FHIP1A: variants seen among roughly 807,000 people sequenced by gnomAD.
The protein encoded by FHIP1A is FHF complex subunit HOOK-interacting protein 1A.
A neutral mutation model predicts 88.6 loss-of-function variants in FHIP1A; 61 were observed. That is an observed-to-expected ratio of 0.69 (90% CI 0.56 to 0.85). FHIP1A has a LOEUF of 0.85. FHIP1A is among the 40% of genes least tolerant of loss of function. The pLI is 0.00. For synonymous variants in FHIP1A, 478 were observed against 496.0 expected, an observed-to-expected ratio of 0.96 and a Z score of 0.48; for missense variants, 1,154 against 1,273.5, an observed-to-expected ratio of 0.91 and a Z score of 1.43.
At chr4:151,431,735 A>T (rs913790486) in intron 1 of FHIP1A, among the ~76,000 whole-genome samples, 3 of 152,244 alleles carry the variant, frequency 2.0e-5, no homozygotes, top group African/African-American at 7.2e-5. Context: ...ATAATGACCC[A>T]TTCAAGTTCA....
intron 3 of FHIP1A, among the ~76,000 whole-genome samples, chr4:151,497,073 G>C (rs1416340693): frequency 6.6e-6 from 1 of 152,068 alleles, no homozygotes; most frequent in Non-Finnish European, 1.5e-5. Flanking sequence ...TATGTTTAGC[G>C]GGAAAAAGGC....
chr4:151,595,906 G>A (rs774592259), intron 7 of FHIP1A, among the ~76,000 whole-genome samples: 6 of 151,952 alleles, frequency 3.9e-5, no homozygotes, highest in Non-Finnish European at 5.9e-5. Context: ...TTTATTTTGA[G>A]CCTATGTATG....
chr4:151,561,694 G>A lies in FHIP1A; in HGVS notation c.-122-4444G>A, dbSNP rs797010506. Among the ~76,000 whole-genome samples, 11 of 152,032 alleles carry A rather than the reference G, an allele frequency of 7.2e-5. No individual in the cohort carries two copies. In the East Asian group the frequency reaches 1.9e-3, roughly 27 times the overall value. ...TGTATTTAGTAGCAGCCAATTCAGGGCATTCCAAAGTACATTCTCAAACAA... is the reference window on the plus strand; with the variant it reads ...TGTATTTAGTAGCAGCCAATTCAGGACATTCCAAAGTACATTCTCAAACAA... On this transcript the variant is annotated intron_variant, in intron 3 of 13. Transcript: ENST00000435205.
At chr4:151,432,251 A>G (rs905377703) in intron 1 of FHIP1A, among the ~76,000 whole-genome samples, 3 of 152,342 alleles carry the variant, frequency 2.0e-5, no homozygotes, top group African/African-American at 7.2e-5. Context: ...ATATGTGTGA[A>G]AATAACTTTC....
chr4:151,432,650 C>T (rs867252765), intron 1 of FHIP1A, among the ~76,000 whole-genome samples: 1 of 152,172 alleles, frequency 6.6e-6, no homozygotes, highest in Non-Finnish European at 1.5e-5. Context: ...TCCATTTGTG[C>T]AGTGATCAAT....
chr4:151,663,018 T>C lies in FHIP1A; in HGVS notation c.*264T>C. ...GCTCTGTTTTTCCTCCTTATATTTT[T>C]TTGGTTGTCATTCTCCTATCCCTTT... On this transcript the variant is annotated 3_prime_UTR_variant, in exon 14 of 14. Transcript: ENST00000435205. The C allele has an allele frequency of 3.0e-6, 1 of 338,898 alleles. No homozygotes were observed. Among genetic ancestry groups the C allele is most frequent in the Non-Finnish European group, 5.3e-6 (1 of 190,236 alleles). The allele number at this position is 338,898 out of a possible 1,614,324, so 21.0% of individuals were successfully genotyped here. A position where few individuals can be genotyped will look rare whatever the true frequency, so the allele number is the denominator to read the frequency against.
chr4:151,629,518 A>G (rs1736071083), intron 7 of FHIP1A, among the ~76,000 whole-genome samples, 184 bp from the exon 8 acceptor site: 1 of 152,208 alleles, frequency 6.6e-6, no homozygotes, highest in African/African-American at 2.4e-5. Flanking sequence ...GGGCGGAAAC[A>G]GCATGAGGTA....
chr4:151,576,519 G>C (rs1733797353), intron 4 of FHIP1A, among the ~76,000 whole-genome samples: 1 of 152,080 alleles, frequency 6.6e-6, no homozygotes, highest in African/African-American at 2.4e-5. Context: ...GCTCAGGCTG[G>C]TCTTGAAGTC....
intron 2 of FHIP1A, among the ~76,000 whole-genome samples, chr4:151,455,273 T>C (rs1357423265): frequency 6.6e-6 from 1 of 152,236 alleles, no homozygotes; most frequent in Non-Finnish European, 1.5e-5. Context: ...AGATGTTTCC[T>C]CTATTGTTAG....
intron 3 of FHIP1A, among the ~76,000 whole-genome samples, chr4:151,533,449 A>G (rs555749175): frequency 6.6e-6 from 1 of 152,250 alleles, no homozygotes; most frequent in Non-Finnish European, 1.5e-5. Context: ...CAAAAAAAGG[A>G]TATATTTCCT....
At chr4:151,458,080 G>A (rs1017261098) in intron 2 of FHIP1A, among the ~76,000 whole-genome samples, 1 of 152,158 alleles carries the variant, frequency 6.6e-6, no homozygotes, top group Non-Finnish European at 1.5e-5. Flanking sequence ...TGTCTTCACA[G>A]TAAAGGTAAA....
intron 2 of FHIP1A, among the ~76,000 whole-genome samples, chr4:151,461,640 A>G (rs1445772694): frequency 6.6e-6 from 1 of 152,236 alleles, no homozygotes; most frequent in Admixed American, 6.5e-5. Context: ...ATAAAATTTT[A>G]AAATTTTAAA....
intron 2 of FHIP1A, among the ~76,000 whole-genome samples, chr4:151,460,627 A>G (rs190873285): frequency 6.6e-6 from 1 of 152,382 alleles, no homozygotes; most frequent in Admixed American, 6.5e-5. Context: ...ATACCTTGGC[A>G]GCAGGCCATG....
chr4:151,468,491 T>C (rs1174710929), intron 2 of FHIP1A, among the ~76,000 whole-genome samples: 1 of 152,098 alleles, frequency 6.6e-6, no homozygotes, highest in Non-Finnish European at 1.5e-5. Flanking sequence ...TGCATCCCCT[T>C]TCTATTAGCA....
intron 3 of FHIP1A, among the ~76,000 whole-genome samples, chr4:151,495,369 G>A (rs1054932779): frequency 9.9e-5 from 15 of 151,890 alleles, no homozygotes; most frequent in African/African-American, 3.6e-4. Context: ...GGATGTGGTA[G>A]CACGCGCCTG....
intron 7 of FHIP1A, among the ~76,000 whole-genome samples, chr4:151,596,170 T>C (rs1188713743): frequency 6.6e-6 from 1 of 152,198 alleles, no homozygotes; most frequent in Admixed American, 6.5e-5. Flanking sequence ...TTTTGGTTTT[T>C]CTTTCTTATG....
intron 9 of FHIP1A, 42 bp from the exon 10 acceptor site, chr4:151,646,516 G>A: frequency 7.0e-7 from 1 of 1,425,688 alleles, no homozygotes; most frequent in Non-Finnish European, 9.6e-7. Flanking sequence ...AATGGTTCAA[G>A]ACATTGCAGA....
chr4:151,498,652 A>G (rs549311325), intron 3 of FHIP1A, among the ~76,000 whole-genome samples: 2 of 152,208 alleles, frequency 1.3e-5, no homozygotes, highest in East Asian at 3.9e-4. Flanking sequence ...CATCTCTACT[A>G]AAAATACAAA....
intron 4 of FHIP1A, among the ~76,000 whole-genome samples, chr4:151,568,140 G>T (rs1332362698): frequency 6.6e-6 from 1 of 152,158 alleles, no homozygotes; most frequent in African/African-American, 2.4e-5. Context: ...ATTGTTGAAA[G>T]ACTATTGGTC....
Sources: allele counts gnomAD v4.1 joint callset (sites outside exome capture counted in the v4.1 genomes callset), GRCh38; gene constraint gnomAD v4.1.1; transcripts MANE v1.5; gene names NCBI Gene and HGNC (gene_info 2026-07-23, HGNC 2026-07-21).